DSCAML1: variants seen among roughly 807,000 people sequenced by gnomAD.
DSCAML1 encodes cell adhesion molecule DSCAML1.
A neutral mutation model predicts 200.5 loss-of-function variants in DSCAML1; 38 were observed. That is an observed-to-expected ratio of 0.19 (90% CI 0.15 to 0.25). The LOEUF is 0.25. DSCAML1 is among the 10% of genes least tolerant of loss of function. The pLI is 1.00. For missense variants in DSCAML1, 2,223 were observed against 2,858.8 expected, an observed-to-expected ratio of 0.78 and a Z score of 5.07; for synonymous variants, 1,215 against 1,165.0, an observed-to-expected ratio of 1.04 and a Z score of -0.87.
intron 3 of DSCAML1, among the ~76,000 whole-genome samples, chr11:117,702,064 A>G (rs1223885906): frequency 2.0e-5 from 3 of 152,112 alleles, no homozygotes; most frequent in African/African-American, 7.2e-5. Context: ...CCAACACCTC[A>G]GTCAGGCCCT....
chr11:117,646,480 A>G (rs2052524875), intron 3 of DSCAML1, among the ~76,000 whole-genome samples: 1 of 152,040 alleles, frequency 6.6e-6, no homozygotes, highest in Non-Finnish European at 1.5e-5. Flanking sequence ...CCCCTTACCA[A>G]CCTCACCTCC....
At chr11:117,541,760 C>A (rs1179840992) in intron 3 of DSCAML1, among the ~76,000 whole-genome samples, 3 of 152,192 alleles carry the variant, frequency 2.0e-5, no homozygotes, top group African/African-American at 7.2e-5. Flanking sequence ...CCAGCTGAGC[C>A]CATGTGGGCA....
At chr11:117,610,694 G>T (rs1172599747) in intron 3 of DSCAML1, among the ~76,000 whole-genome samples, 1 of 151,690 alleles carries the variant, frequency 6.6e-6, no homozygotes, top group Non-Finnish European at 1.5e-5. Flanking sequence ...TTCACATAAA[G>T]CCGCCCCATC....
At position 117,663,774 on chromosome 11, in the gene DSCAML1, G is replaced by C. The variant is rs73014414; in HGVS notation, c.511+113017C>G. Among the ~76,000 whole-genome samples the C allele has an allele frequency of 6.2e-3, 941 of 152,262 alleles. 3 individuals carry two copies. Among genetic ancestry groups the C allele is most frequent in the Non-Finnish European group, 9.2e-3 (623 of 68,014 alleles). On this transcript the variant is annotated intron_variant, in intron 3 of 32. Transcript: ENST00000651296. ...GCATTCTGTATCGGACTGAGTACAG[G>C]GGGGCTGGGGGAGGAAGGTAAAAGA... is the stretch of plus-strand genomic sequence containing the variant.
chr11:117,627,273 C>A (rs534592599), intron 3 of DSCAML1, among the ~76,000 whole-genome samples: 1 of 152,116 alleles, frequency 6.6e-6, no homozygotes, highest in Non-Finnish European at 1.5e-5. Context: ...TTAGAGGTTA[C>A]AAGTAACCCC....
At chr11:117,801,183 A>C (rs1199157393), upstream of DSCAML1, 3 of 152,222 alleles carry the variant, frequency 2.0e-5, no homozygotes, top group Non-Finnish European at 4.4e-5. Context: ...CTCATCTACA[A>C]ATCAGAAATC....
intron 3 of DSCAML1, among the ~76,000 whole-genome samples, chr11:117,639,990 T>C (rs560927483): frequency 6.6e-6 from 1 of 152,264 alleles, no homozygotes; most frequent in South Asian, 2.1e-4. Context: ...GTGAGCAGAC[T>C]TGTGTGGGTG....
chr11:117,740,680 C>T (rs2137839304), intron 3 of DSCAML1, among the ~76,000 whole-genome samples: 1 of 152,332 alleles, frequency 6.6e-6, no homozygotes. Flanking sequence ...CTCCAGCCAC[C>T]TAGCAAATGT....
intron 5 of DSCAML1, among the ~76,000 whole-genome samples, chr11:117,523,097 G>A (rs963346406): frequency 2.0e-5 from 3 of 152,232 alleles, no homozygotes; most frequent in South Asian, 2.1e-4. Context: ...CACCATATAC[G>A]TGTGCATGCG....
Position 117,428,509 on chromosome 11 carries a change from T to C in DSCAML1, c.5981A>G (p.Glu1994Gly). ...GGCAGCGCTGGGGGCGGTGGGTGGCTCAGCAGGGGTGGGGCCGGGGGCTGG... is the reference window on the plus strand; with the variant it reads ...GGCAGCGCTGGGGGCGGTGGGTGGCCCAGCAGGGGTGGGGCCGGGGGCTGG... ...APPAPGPTPA[E>G]PPTAPSAAPP... The change falls in exon 33 of 33, where the codon GAG becomes GGG. Residue 1994 changes from glutamate to glycine, a missense_variant. Physicochemically the swap from Glu to Gly is moderately conservative, Grantham distance 98 (BLOSUM62 -2). Transcript: ENST00000651296. 8 of 1,314,312 alleles carry C rather than the reference T, an allele frequency of 6.1e-6. No individual in the cohort carries two copies. Among genetic ancestry groups the C allele is most frequent in the South Asian group, 1.3e-5 (1 of 74,096 alleles). 81.4% of individuals were successfully genotyped at this position (1,314,312 alleles called of 1,614,324 possible). A position where few individuals can be genotyped will look rare whatever the true frequency, so the allele number is the denominator to read the frequency against.
chr11:117,447,546 A>G (rs2048205143), intron 20 of DSCAML1, among the ~76,000 whole-genome samples: 1 of 152,132 alleles, frequency 6.6e-6, no homozygotes, highest in Admixed American at 6.5e-5. Flanking sequence ...CTATTCTTTT[A>G]TATGTTTTAC....
chr11:117,656,210 C>G (rs1224446418), intron 3 of DSCAML1, among the ~76,000 whole-genome samples: 4 of 152,224 alleles, frequency 2.6e-5, no homozygotes, highest in Non-Finnish European at 5.9e-5. Context: ...TGCACTCCAG[C>G]CTGGGCGACA....
In DSCAML1 at chr11:117,659,674, A is replaced by G. The variant is rs545061966; in HGVS notation, c.511+117117T>C. Reference sequence around the variant, plus strand: ...CTGACTGCTCTGGGCCAGTATCAGCATCTAAGCTCCCTGACTTGCCCGGCA... The same window carrying G: ...CTGACTGCTCTGGGCCAGTATCAGCGTCTAAGCTCCCTGACTTGCCCGGCA... On this transcript the variant is annotated intron_variant, in intron 3 of 32. Transcript: ENST00000651296. 3.0e-3 allele frequency among the ~76,000 whole-genome samples: 457 copies of G among 151,902 alleles called. 1 individual carries two copies. The highest frequency in any genetic ancestry group is 5.3e-3 in the Non-Finnish European group (363 of 67,972).
rs182013522 is a variant in DSCAML1, at chr11:117,461,195, C to A, written c.3412+255G>T. Reference sequence around the variant, plus strand: ...ACCAGAGATGCCACCCTAGGTACCACCCCCCCACCTTGCTCCTGGCTCTGA... The same window carrying A: ...ACCAGAGATGCCACCCTAGGTACCAACCCCCCACCTTGCTCCTGGCTCTGA... On this transcript the variant is annotated intron_variant, in intron 18 of 32. Coordinates refer to ENST00000651296, the MANE Select transcript of DSCAML1 (RefSeq NM_020693.4). Among the ~76,000 whole-genome samples the A allele has an allele frequency of 5.3e-5, 8 of 151,562 alleles. No homozygotes were observed. In the East Asian group the frequency reaches 1.4e-3, roughly 26 times the overall value.
At chr11:117,597,969 T>C (rs1046550240) in intron 3 of DSCAML1, among the ~76,000 whole-genome samples, 1 of 151,914 alleles carries the variant, frequency 6.6e-6, no homozygotes, top group Non-Finnish European at 1.5e-5. Context: ...ACTGAGCGTA[T>C]AGAAATATGC....
chr11:117,520,241 T>A (rs1221433100), intron 6 of DSCAML1, among the ~76,000 whole-genome samples: 1 of 152,186 alleles, frequency 6.6e-6, no homozygotes, highest in Non-Finnish European at 1.5e-5. Flanking sequence ...CCCTCTTGGC[T>A]GGGCAACGTG....
chr11:117,761,437 C>G (rs1030689916), intron 3 of DSCAML1, among the ~76,000 whole-genome samples: 1 of 152,230 alleles, frequency 6.6e-6, no homozygotes, highest in African/African-American at 2.4e-5. Flanking sequence ...GAACCAGGAG[C>G]CCCAGATGTG....
intron 3 of DSCAML1, among the ~76,000 whole-genome samples, chr11:117,538,473 C>A (rs1448391961): frequency 6.6e-6 from 1 of 152,220 alleles, no homozygotes; most frequent in Non-Finnish European, 1.5e-5. Flanking sequence ...AGGCCTCCTG[C>A]AGGTGGACTC....
chr11:117,454,328 C>T (rs1294589589), intron 19 of DSCAML1, among the ~76,000 whole-genome samples: 2 of 152,168 alleles, frequency 1.3e-5, no homozygotes, highest in Non-Finnish European at 2.9e-5. Context: ...ATGTTTCTTA[C>T]CTGCTCTTTT....
Sources: allele counts gnomAD v4.1 joint callset (sites outside exome capture counted in the v4.1 genomes callset), GRCh38; gene constraint gnomAD v4.1.1; transcripts MANE v1.5; gene names NCBI Gene and HGNC (gene_info 2026-07-23, HGNC 2026-07-21).